XCR1: variants seen among roughly 807,000 people sequenced by gnomAD.
XCR1 encodes the protein chemokine XC receptor 1.
For missense variants in XCR1, 356 were observed against 424.2 expected (o/e 0.84, Z 1.41); for synonymous variants, 187 against 188.5 (o/e 0.99, Z 0.06).
intron 1 of XCR1, among the ~76,000 whole-genome samples, chr3:46,079,869 G>T (rs1005897631): frequency 6.6e-6 from 1 of 152,030 alleles, no homozygotes; most frequent in African/African-American, 2.4e-5. Context: ...CAGGGCCACT[G>T]AATGGCAAAA....
At chr3:46,039,878 C>CA (rs1697508308) in intron 5 of XCR1, among the ~76,000 whole-genome samples, 1 of 152,038 alleles carries the variant, frequency 6.6e-6, no homozygotes, top group African/African-American at 2.4e-5. Flanking sequence ...GCCAGTGTGT[C>CA]AGAATAACAG....
upstream of XCR1, chr3:46,027,805 T>A (rs1395250293): frequency 6.6e-6 from 1 of 152,282 alleles, no homozygotes; most frequent in African/African-American, 2.4e-5. Flanking sequence ...TCATTTCACA[T>A]GCTTCCTCCC....
intron 5 of XCR1, among the ~76,000 whole-genome samples, chr3:46,044,648 T>C (rs193125087): frequency 6.6e-6 from 1 of 152,300 alleles, no homozygotes. Context: ...AGATTACTTA[T>C]AGCAGAAATG....
chr3:46,018,966 G>A lies in XCR1; in HGVS notation c.*1980C>T, dbSNP rs1024921096. The A allele has an allele frequency of 2.1e-5, 3 of 145,576 alleles. No homozygotes were observed. Among genetic ancestry groups the A allele is most frequent in the Admixed American group, 6.8e-5 (1 of 14,666 alleles). The allele number at this position is 145,576 out of a possible 1,614,324, so 9.0% of individuals were successfully genotyped here. On this transcript the variant is annotated 3_prime_UTR_variant, in exon 2 of 2. Transcript: ENST00000309285. Reference sequence around the variant, plus strand: ...ATGGGAAGCTTTTCCAAATCCCCACGCCAGAGCCAAATCAGGTTCACAGAT... The same window carrying A: ...ATGGGAAGCTTTTCCAAATCCCCACACCAGAGCCAAATCAGGTTCACAGAT...
At chr3:46,022,069 G>A (rs1708167770) in intron 1 of XCR1, 91 bp from the exon 2 acceptor site, 1 of 1,150,892 alleles carries the variant, frequency 8.7e-7, no homozygotes, top group Non-Finnish European at 1.2e-6. Context: ...AAAGGCCAAA[G>A]GGAGAGGATT....
intron 5 of XCR1, among the ~76,000 whole-genome samples, chr3:46,051,425 C>A (rs1697741125): frequency 6.6e-6 from 1 of 152,222 alleles, no homozygotes; most frequent in Admixed American, 6.5e-5. Flanking sequence ...GCTGTTCTTG[C>A]TCCCACTAAG....
At chr3:46,037,242 T>C (rs189840574) in intron 5 of XCR1, among the ~76,000 whole-genome samples, 7 of 152,274 alleles carry the variant, frequency 4.6e-5, no homozygotes, top group Non-Finnish European at 1.0e-4. Context: ...TAATTTTGTC[T>C]AATTCAGGAG....
At chr3:46,084,142 A>G (rs1698428927) in intron 1 of XCR1, among the ~76,000 whole-genome samples, 2 of 152,162 alleles carry the variant, frequency 1.3e-5, no homozygotes. Flanking sequence ...CTGTATTGTC[A>G]TCCTGATTCA....
intron 5 of XCR1, among the ~76,000 whole-genome samples, chr3:46,053,015 A>G (rs1408946824): frequency 6.6e-6 from 1 of 152,194 alleles, no homozygotes. Flanking sequence ...ACCCAATAGC[A>G]TATCCTTTAT....
chr3:46,062,485 A>G (rs951238698), intron 4 of XCR1, among the ~76,000 whole-genome samples: 1 of 152,166 alleles, frequency 6.6e-6, no homozygotes, highest in Non-Finnish European at 1.5e-5. Context: ...AGAACTTTCT[A>G]TGTTACGGTC....
intron 4 of XCR1, among the ~76,000 whole-genome samples, chr3:46,063,640 T>A (rs1698008298): frequency 6.6e-6 from 1 of 152,134 alleles, no homozygotes; most frequent in Non-Finnish European, 1.5e-5. Flanking sequence ...TGATCTGTCC[T>A]TATGCCACCT....
rs1191512810 is a variant in XCR1, at chr3:46,021,660, C to A, written c.288G>T (p.Val96=). The A allele has an allele frequency of 1.2e-6, 2 of 1,608,268 alleles. No homozygotes were observed. The highest frequency in any genetic ancestry group is 8.5e-7 in the Non-Finnish European group (1 of 1,177,620). ...VWISPYHWGW[V]LGDFLCKLLN... ...GGAGTTTGCAGAGGAAGTCTCCCAGCACCCAGCCCCAGTGGTATGGGGAGA... is the reference window on the plus strand; with the variant it reads ...GGAGTTTGCAGAGGAAGTCTCCCAGAACCCAGCCCCAGTGGTATGGGGAGA... The change falls in exon 2 of 2, where the codon GTG becomes GTT. Residue 96 remains valine (V), a synonymous_variant. Transcript: ENST00000309285. The surrounding 1 kb of genome is among the most constrained non-coding windows in gnomAD (Gnocchi z 4.7).
intron 3 of XCR1, among the ~76,000 whole-genome samples, chr3:46,068,348 G>A (rs1456148209): frequency 6.6e-6 from 1 of 152,038 alleles, no homozygotes; most frequent in Non-Finnish European, 1.5e-5. Context: ...AGCAGCTGCT[G>A]GCATCTAGTA....
In XCR1 at chr3:46,021,293, G is replaced by T. The variant is rs1385243615; in HGVS notation, c.655C>A (p.Arg219=). The T allele has an allele frequency of 1.9e-6, 3 of 1,614,102 alleles. No individual in the cohort carries two copies. The highest frequency in any genetic ancestry group is 1.7e-6 in the Non-Finnish European group (2 of 1,180,022). Residue 219 remains arginine (R), a synonymous_variant, in exon 2 of 2, where the codon CGG becomes AGG. Transcript: ENST00000309285. The surrounding 1 kb of genome is among the most constrained non-coding windows in gnomAD (Gnocchi z 4.7). Reference sequence around the variant, plus strand: ...ATGAGCTTGACCGTGCGGTGGCGCCGCTTGGAGCGTGAGCGGAACAGGGTC... The same window carrying T: ...ATGAGCTTGACCGTGCGGTGGCGCCTCTTGGAGCGTGAGCGGAACAGGGTC... ...LRTLFRSRSK[R]RHRTVKLIFA...
rs1245296282 is a variant in XCR1, at chr3:46,079,079, C to A, written c.-514-2153G>T. 1.3e-5 allele frequency among the ~76,000 whole-genome samples: 2 copies of A among 152,300 alleles called. 1 individual carries two copies. Among genetic ancestry groups the A allele is most frequent in the South Asian group, 4.1e-4 (2 of 4,828 alleles). On this transcript the variant is annotated intron_variant, in intron 1 of 5. Transcript: ENST00000683768. Reference sequence around the variant, plus strand: ...AGCAGTGCTCGTAAGCACCACACTTCCACCCAAACACATCCTGGGCCTTGG... The same window carrying A: ...AGCAGTGCTCGTAAGCACCACACTTACACCCAAACACATCCTGGGCCTTGG...
At chr3:46,080,487 G>T (rs1200827109) in intron 1 of XCR1, among the ~76,000 whole-genome samples, 1 of 152,130 alleles carries the variant, frequency 6.6e-6, no homozygotes, top group Non-Finnish European at 1.5e-5. Context: ...TTTTGAACTA[G>T]GGAGGCGGAG....
At chr3:46,066,184 G>T (rs560095888) in intron 4 of XCR1, among the ~76,000 whole-genome samples, 7 of 151,232 alleles carry the variant, frequency 4.6e-5, no homozygotes, top group South Asian at 2.1e-4. Flanking sequence ...GGCACAGCCT[G>T]CCTTCCTTCC....
At chr3:46,079,273 C>A (rs903672010) in intron 1 of XCR1, among the ~76,000 whole-genome samples, 2 of 152,084 alleles carry the variant, frequency 1.3e-5, no homozygotes, top group African/African-American at 4.8e-5. Flanking sequence ...GGATGATCAT[C>A]AACAATGGCC....
intron 1 of XCR1, among the ~76,000 whole-genome samples, chr3:46,077,989 A>C (rs1169491893): frequency 2.0e-5 from 3 of 152,194 alleles, no homozygotes; most frequent in Non-Finnish European, 4.4e-5. Context: ...CATGGTCGCT[A>C]CCTGGCTGAT....
Sources: allele counts gnomAD v4.1 joint callset (sites outside exome capture counted in the v4.1 genomes callset), GRCh38; gene constraint gnomAD v4.1.1; non-coding constraint Gnocchi (gnomAD v3.1); transcripts MANE v1.5; gene names NCBI Gene and HGNC (gene_info 2026-07-23, HGNC 2026-07-21).